Variants in MYO1E observed in about 807,000 individuals in gnomAD.
MYO1E encodes the protein myosin IE, also known as unconventional myosin-Ie.
A neutral mutation model predicts 151.1 loss-of-function variants in MYO1E; 68 were observed. The ratio of observed to expected loss-of-function variants is 0.45; its 90% confidence interval spans 0.37 to 0.55. MYO1E has a LOEUF of 0.55. Ranked by LOEUF, MYO1E falls within the 20% of genes least tolerant of loss-of-function variation. The pLI is 0.00. For synonymous variants in MYO1E, 601 were observed against 501.7 expected (o/e 1.20, Z -2.64); for missense variants, 1,363 against 1,389.3 (o/e 0.98, Z 0.30).
chr15:59,298,733 A>G (rs142828462), intron 1 of MYO1E, among the ~76,000 whole-genome samples: 1 of 152,348 alleles, frequency 6.6e-6, no homozygotes, highest in African/African-American at 2.4e-5. Flanking sequence ...GACTGGGGGT[A>G]AAGGACAACA....
intron 1 of MYO1E, among the ~76,000 whole-genome samples, chr15:59,296,522 C>A (rs999807612): frequency 6.6e-5 from 10 of 152,182 alleles, no homozygotes; most frequent in Admixed American, 6.5e-4. Context: ...GAGAACAGCT[C>A]ATTTGCCCAG....
At chr15:59,324,456 T>A (rs2080649785) in intron 1 of MYO1E, among the ~76,000 whole-genome samples, 1 of 151,930 alleles carries the variant, frequency 6.6e-6, no homozygotes, top group Non-Finnish European at 1.5e-5. Context: ...AAGAAAAAAA[T>A]CAGGCTGTCT....
chr15:59,241,427 C>G (rs1294933540), intron 4 of MYO1E, among the ~76,000 whole-genome samples: 1 of 152,370 alleles, frequency 6.6e-6, no homozygotes, highest in East Asian at 1.9e-4. Flanking sequence ...TGCAGTGGCT[C>G]ACGCCTATAA....
chr15:59,343,664 C>A (rs754945276), intron 1 of MYO1E, among the ~76,000 whole-genome samples: 8 of 152,102 alleles, frequency 5.3e-5, no homozygotes, highest in Non-Finnish European at 1.2e-4. Context: ...AAGCTATTTT[C>A]TAGATCTTGT....
intron 4 of MYO1E, among the ~76,000 whole-genome samples, chr15:59,255,316 C>T (rs1215258335): frequency 3.3e-5 from 5 of 152,058 alleles, no homozygotes; most frequent in African/African-American, 4.8e-5. Flanking sequence ...TGGGGTTTCG[C>T]CATGTTGCCC....
chr15:59,171,935 C>A lies in MYO1E; in HGVS notation c.2442G>T (p.Arg814=). 1 of 1,614,238 alleles carries A rather than the reference C, an allele frequency of 6.2e-7. No homozygotes were observed. The highest frequency in any genetic ancestry group is 8.5e-7 in the Non-Finnish European group (1 of 1,180,044). Residue 814 remains arginine, a synonymous_variant, in exon 22 of 28, where the codon CGG becomes CGT. Coordinates refer to ENST00000288235, the MANE Select transcript of MYO1E (RefSeq NM_004998.4). ...ACAAGATCCGTTCTATCTCGATTTT[C>A]CGCTTCAGGACTTCTTTCACCAGGC... is the stretch of plus-strand genomic sequence containing the variant. ...DKGLVKEVLK[R]KIEIERILSV... is the part of the protein sequence containing the mutation.
intron 1 of MYO1E, among the ~76,000 whole-genome samples, chr15:59,354,626 G>T (rs1228146288): frequency 2.0e-5 from 3 of 152,104 alleles, no homozygotes. Context: ...ATGGTGCCCA[G>T]GTGGGCACCA....
intron 1 of MYO1E, among the ~76,000 whole-genome samples, chr15:59,332,077 T>C (rs1241330168): frequency 1.3e-5 from 2 of 152,210 alleles, no homozygotes; most frequent in African/African-American, 2.4e-5. Context: ...AGCAAAAGTA[T>C]CCTACCATGT....
At chr15:59,163,777 G>A (rs1184321733) in intron 22 of MYO1E, among the ~76,000 whole-genome samples, 1 of 152,134 alleles carries the variant, frequency 6.6e-6, no homozygotes, top group Non-Finnish European at 1.5e-5. Context: ...TTCTCAAGAG[G>A]GAAGCCAATA....
At chr15:59,308,019 C>T (rs1338934627) in intron 1 of MYO1E, among the ~76,000 whole-genome samples, 1 of 149,404 alleles carries the variant, frequency 6.7e-6, no homozygotes, top group Non-Finnish European at 1.5e-5. Context: ...GAGTTCAAGG[C>T]CATCCTGGCC....
chr15:59,255,543 C>T lies in MYO1E; in HGVS notation c.332+741G>A, dbSNP rs111813109. ...CCTAGTATCTGGGATTAGAGGCGTG[C>T]GCCACCATGCCCAGCTAATTTTTGT... On this transcript the variant is annotated intron_variant, in intron 4 of 27. Coordinates refer to ENST00000288235, the MANE Select transcript of MYO1E (RefSeq NM_004998.4). Among the ~76,000 whole-genome samples the T allele has an allele frequency of 5.4e-3, 821 of 152,170 alleles. 22 individuals are homozygous for T. In the East Asian group the frequency reaches 0.075, roughly 14 times the overall value.
chr15:59,210,677 A>C, intron 12 of MYO1E, 77 bp from the exon 13 acceptor site: 1 of 1,000,214 alleles, frequency 1.0e-6, no homozygotes, highest in Non-Finnish European at 1.6e-6. Context: ...TGAATGGACA[A>C]AAATTCCCAT....
Position 59,136,481 on chromosome 15 carries a change from T to C in MYO1E, c.*899A>G. The C allele has an allele frequency of 3.4e-6, 1 of 295,474 alleles. No individual in the cohort carries two copies. The highest frequency in any genetic ancestry group is 3.1e-5 in the South Asian group (1 of 32,282). 18.3% of individuals were successfully genotyped at this position (295,474 alleles called of 1,614,324 possible). A position where few individuals can be genotyped will look rare whatever the true frequency, so the allele number is the denominator to read the frequency against. On this transcript the variant is annotated 3_prime_UTR_variant, in exon 28 of 28. Coordinates refer to ENST00000288235, the MANE Select transcript of MYO1E (RefSeq NM_004998.4). The stretch of plus-strand genomic sequence containing the variant: ...TGACCTAGAAAGCAGTGACACTCCG[T>C]AGTTGGAAAAAAGCAGAGCACATCT...
chr15:59,147,827 G>A (rs1817366845), intron 26 of MYO1E, among the ~76,000 whole-genome samples: 1 of 152,100 alleles, frequency 6.6e-6, no homozygotes, highest in Admixed American at 6.5e-5. Context: ...GCGTCTCCCT[G>A]TCTGGTCTCC....
rs1224287771 is a variant in MYO1E at position 59,161,240 on chromosome 15, G to C, written c.2628-10C>G. ...CAACTTCAGTTCAAGCCTGCAAAAA[G>C]CACAGTGGGGTTAACAGGTCGAAGG... is the stretch of plus-strand genomic sequence containing the variant. On this transcript the variant is annotated splice_polypyrimidine_tract_variant and intron_variant, in intron 23 of 27. Transcript: ENST00000288235. 2 of 1,613,340 alleles carry C rather than the reference G, an allele frequency of 1.2e-6. No homozygotes were observed. The highest frequency in any genetic ancestry group is 1.3e-5 in the African/African-American group (1 of 74,906).
intron 18 of MYO1E, among the ~76,000 whole-genome samples, chr15:59,179,631 C>T (rs1044780994): frequency 1.2e-4 from 19 of 152,198 alleles, no homozygotes; most frequent in Non-Finnish European, 2.4e-4. Flanking sequence ...TTATGACTTG[C>T]CCAAGGCTAC....
chr15:59,282,221 C>T (rs537924641), intron 1 of MYO1E, among the ~76,000 whole-genome samples: 5 of 152,190 alleles, frequency 3.3e-5, no homozygotes, highest in South Asian at 4.2e-4. Flanking sequence ...AGTTTGCAGG[C>T]GAGAGTCTAG....
chr15:59,334,729 T>G (rs1205846842), intron 1 of MYO1E, among the ~76,000 whole-genome samples: 1 of 152,224 alleles, frequency 6.6e-6, no homozygotes, highest in Non-Finnish European at 1.5e-5. Context: ...GGGCTTTCTT[T>G]CGCAGGCCCT....
chr15:59,148,531 G>A (rs1442611617), intron 26 of MYO1E, among the ~76,000 whole-genome samples: 2 of 152,162 alleles, frequency 1.3e-5, no homozygotes, highest in Admixed American at 6.5e-5. Context: ...GTTCCAAAAG[G>A]TTGAATCTAT....
Sources: allele counts gnomAD v4.1 joint callset (sites outside exome capture counted in the v4.1 genomes callset), GRCh38; gene constraint gnomAD v4.1.1; transcripts MANE v1.5; gene names NCBI Gene and HGNC (gene_info 2026-07-23, HGNC 2026-07-21).